Variants in SLC36A1 observed in about 807,000 individuals in gnomAD.
The protein encoded by SLC36A1 is proton-coupled amino acid transporter 1.
In SLC36A1, 30 loss-of-function variants were observed where a neutral mutation model predicts 47.5. The observed-to-expected ratio is 0.63, with a 90% CI of 0.47 to 0.86. The LOEUF (loss-of-function observed/expected upper bound fraction) is 0.86, where lower values mean the gene tolerates loss of function less well. Ranked by LOEUF, SLC36A1 falls within the 40% of genes least tolerant of loss-of-function variation. The pLI is 0.00. For missense variants in SLC36A1, 517 were observed against 606.0 expected (o/e 0.85, Z 1.54); for synonymous variants, 255 against 249.7 (o/e 1.02, Z -0.20).
the SLC36A1 span, chr5:151,509,540 C>G: frequency 1.3e-5 from 2 of 153,380 alleles, no homozygotes; most frequent in Non-Finnish European, 2.9e-5. Context: ...CACTGGAGCA[C>G]AAACCCTGTT....
At chr5:151,505,488 C>T in the SLC36A1 span, 1 of 1,564,154 alleles carries the variant, frequency 6.4e-7, no homozygotes, top group Non-Finnish European at 8.7e-7. Context: ...ACACTCAACT[C>T]ACCCCCTACG....
At chr5:151,515,747 T>A in the SLC36A1 span, among the ~76,000 whole-genome samples, 3 of 152,324 alleles carry the variant, frequency 2.0e-5, no homozygotes, top group Non-Finnish European at 2.9e-5. Flanking sequence ...ACCACCATCC[T>A]CTCTTATCCA....
chr5:151,378,131 T>C, the SLC36A1 span: 1 of 333,598 alleles, frequency 3.0e-6, no homozygotes, highest in Admixed American at 3.8e-5. Context: ...CATTGATGTC[T>C]CCATGCAAGA....
the SLC36A1 span, among the ~76,000 whole-genome samples, chr5:151,551,233 CTTT>C: frequency 6.6e-6 from 1 of 152,202 alleles, no homozygotes; most frequent in Non-Finnish European, 1.5e-5. Context: ...TGTACTCTAT[CTTT>C]AATTAAAACT....
At chr5:151,509,251 G>A in the SLC36A1 span, among the ~76,000 whole-genome samples, 1 of 152,200 alleles carries the variant, frequency 6.6e-6, no homozygotes, top group East Asian at 1.9e-4. Context: ...CTGGTTAAAT[G>A]TACAGATTGC....
Position 151,467,801 on chromosome 5 carries a change from C to T in SLC36A1, c.599C>T (p.Ser200Phe), listed in dbSNP as rs772875552. ...PTMDSRLYML[S>F]FLPFLVLLVF... ...ATGGACTCGCGACTCTACATGCTCT[C>T]CTTCCTGCCCTTCCTGGTGCTGCTG... Residue 200 changes from serine (S) to phenylalanine (F), a missense_variant, in exon 7 of 11, where the codon TCC becomes TTC. Ser to Phe is a radical substitution (Grantham distance 155). Coordinates refer to ENST00000243389, the MANE Select transcript of SLC36A1 (RefSeq NM_078483.4). 4.3e-6 allele frequency: 7 copies of T among 1,614,086 alleles called. No individual in the cohort carries two copies. The Admixed American group carries it at 1.2e-4, about 27-fold the overall frequency.
the SLC36A1 span, among the ~76,000 whole-genome samples, chr5:151,389,175 C>T: frequency 6.6e-6 from 1 of 152,134 alleles, no homozygotes; most frequent in East Asian, 1.9e-4. Flanking sequence ...ATTGTTCCTC[C>T]CTCTGTCTCC....
At chr5:151,492,587 C>T (rs1225343405), downstream of SLC36A1, among the ~76,000 whole-genome samples, 3 of 152,006 alleles carry the variant, frequency 2.0e-5, no homozygotes, top group Non-Finnish European at 4.4e-5. Flanking sequence ...GACAATCCTC[C>T]CCTCCCTAAA....
the SLC36A1 span, chr5:151,512,853 G>T: frequency 1.9e-6 from 1 of 533,480 alleles, no homozygotes; most frequent in Non-Finnish European, 3.4e-6. This position sits in a 1 kb window ranked among gnomAD's most constrained non-coding sequence, Gnocchi z 4.1. Context: ...TCACAGATGA[G>T]GAAACTGAGG....
the SLC36A1 span, among the ~76,000 whole-genome samples, chr5:151,391,570 C>T: frequency 0.5 from 75,450 of 151,902 alleles, 20,718 homozygotes; most frequent in African/African-American, 0.75. Context: ...TTTTGAGATA[C>T]GTCCCATCAA....
At chr5:151,413,176 A>G in the SLC36A1 span, among the ~76,000 whole-genome samples, 1 of 151,972 alleles carries the variant, frequency 6.6e-6, no homozygotes, top group African/African-American at 2.4e-5. Context: ...TAATTCATTC[A>G]TTGAAAGAGA....
chr5:151,391,035 C>T, the SLC36A1 span, among the ~76,000 whole-genome samples: 1 of 152,140 alleles, frequency 6.6e-6, no homozygotes, highest in Non-Finnish European at 1.5e-5. Context: ...TCTTCCTATC[C>T]ATGAGCATGG....
At chr5:151,528,087 T>C in the SLC36A1 span, 2 of 1,614,090 alleles carry the variant, frequency 1.2e-6, no homozygotes, top group African/African-American at 1.3e-5. Flanking sequence ...TATGAGGCTA[T>C]AGGTAATGTC....
rs1341107564 is a variant in SLC36A1, at chr5:151,469,131, C to A, written c.723+1206C>A. The stretch of plus-strand genomic sequence containing the variant: ...CTTAAATTCAGTTCCCCAAATAATT[C>A]ATCAGTACATATTCATTAAAATGCA... On this transcript the variant is annotated intron_variant, in intron 7 of 10. Transcript: ENST00000243389. The A allele has an allele frequency of 8.3e-6, 4 of 484,270 alleles. No individual in the cohort carries two copies. In the South Asian group the frequency reaches 1.5e-4, roughly 18 times the overall value. The allele number at this position is 484,270 out of a possible 1,614,324, so 30.0% of individuals were successfully genotyped here.
chr5:151,478,752 T>TTTTG (rs1021016426), intron 9 of SLC36A1, among the ~76,000 whole-genome samples: 31 of 152,198 alleles, frequency 2.0e-4, no homozygotes, highest in African/African-American at 6.3e-4. Flanking sequence ...CCAGTTTCTT[T>TTTTG]TTTGTTTGTT....
the SLC36A1 span, among the ~76,000 whole-genome samples, chr5:151,393,093 G>A: frequency 2.6e-5 from 4 of 151,238 alleles, no homozygotes; most frequent in Non-Finnish European, 5.9e-5. Context: ...CTCCTGTATT[G>A]GGTGCATATG....
At chr5:151,468,266 A>AAAAAATATAT (rs55642458) in intron 7 of SLC36A1, among the ~76,000 whole-genome samples, 2 of 63,818 alleles carry the variant, frequency 3.1e-5, no homozygotes, top group African/African-American at 1.8e-4. Context: ...AAAAAAAAAA[A>AAAAAATATAT]ATATATATAT....
chr5:151,453,967 G>A (rs901022371), intron 1 of SLC36A1, among the ~76,000 whole-genome samples: 1 of 151,176 alleles, frequency 6.6e-6, no homozygotes, highest in Non-Finnish European at 1.5e-5. Flanking sequence ...CATTTTTAGT[G>A]CCCATCTAAA....
the SLC36A1 span, chr5:151,347,653 G>GAGGA: frequency 6.5e-6 from 4 of 618,300 alleles, no homozygotes; most frequent in Non-Finnish European, 8.5e-6. Flanking sequence ...GCCAGTGGAC[G>GAGGA]AGGACTCCTG....
Sources: allele counts gnomAD v4.1 joint callset (sites outside exome capture counted in the v4.1 genomes callset), GRCh38; gene constraint gnomAD v4.1.1; non-coding constraint Gnocchi (gnomAD v3.1); transcripts MANE v1.5; gene names NCBI Gene and HGNC (gene_info 2026-07-23, HGNC 2026-07-21).